PTPRK: variants seen among roughly 807,000 people sequenced by gnomAD.
PTPRK encodes the protein receptor-type tyrosine-protein phosphatase kappa.
A neutral mutation model predicts 178.0 loss-of-function variants in PTPRK; 75 were observed. That is an observed-to-expected ratio of 0.42 (90% CI 0.35 to 0.51). The LOEUF is 0.51. Among genes scored for constraint, PTPRK ranks in the 20% least tolerant of loss-of-function variants. The pLI is 0.02. For synonymous variants in PTPRK, 637 were observed against 620.6 expected, an observed-to-expected ratio of 1.03 and a Z score of -0.39; for missense variants, 1,441 against 1,797.8, an observed-to-expected ratio of 0.80 and a Z score of 3.59.
chr6:128,276,567 A>C (rs1820756566), intron 3 of PTPRK, among the ~76,000 whole-genome samples: 1 of 152,182 alleles, frequency 6.6e-6, no homozygotes, highest in Non-Finnish European at 1.5e-5. Context: ...TTAGAGAGCC[A>C]TAAACTGGCT....
chr6:127,976,675 C>A lies in PTPRK; in HGVS notation c.3951G>T (p.Arg1317Ser). The part of the protein sequence containing the change: ...MDCDVINRIF[R>S]ICNLTRPQEG... ...GACTTACTCTTGTTAGATTGCATAT[C>A]CTAAAAATCCGGTTGATCACATCAC... The change falls in exon 27 of 30, where the codon AGG (arginine) becomes AGT (serine). Residue 1317 changes from arginine (R) to serine (S), a missense_variant. Coordinates refer to ENST00000368226, the MANE Select transcript of PTPRK (RefSeq NM_002844.4). 2 of 1,613,998 alleles carry A rather than the reference C, an allele frequency of 1.2e-6. No homozygotes were observed. The highest frequency in any genetic ancestry group is 1.7e-6 in the Non-Finnish European group (2 of 1,179,984).
intron 3 of PTPRK, among the ~76,000 whole-genome samples, chr6:128,255,298 G>T (rs1388333936): frequency 1.3e-5 from 2 of 152,080 alleles, no homozygotes; most frequent in African/African-American, 2.4e-5. Flanking sequence ...CCTAAATCAG[G>T]TTTTAAGGAT....
chr6:128,416,426 G>A (rs1298487640), intron 1 of PTPRK, among the ~76,000 whole-genome samples: 1 of 151,626 alleles, frequency 6.6e-6, no homozygotes, highest in Non-Finnish European at 1.5e-5. Flanking sequence ...CGGATCACGA[G>A]GTCAGGAGAT....
intron 1 of PTPRK, among the ~76,000 whole-genome samples, chr6:128,458,065 T>C (rs1417157972): frequency 6.6e-6 from 1 of 152,162 alleles, no homozygotes; most frequent in Non-Finnish European, 1.5e-5. Flanking sequence ...TCCCAATTTG[T>C]ATTCTCAACT....
chr6:128,275,619 T>G lies in PTPRK; in HGVS notation c.496-33017A>C, dbSNP rs1017548565. ...CTGAACCAGGTGTTAAAGTTCTTAA[T>G]GTTCGTATTTGGGAATATACATTAG... On this transcript the variant is annotated intron_variant, in intron 3 of 29. Transcript: ENST00000368226. Among the ~76,000 whole-genome samples, 13 of 152,188 alleles carry G rather than the reference T, an allele frequency of 8.5e-5. No individual in the cohort carries two copies. In the East Asian group the frequency reaches 2.3e-3, roughly 27 times the overall value.
intron 2 of PTPRK, among the ~76,000 whole-genome samples, chr6:128,326,433 A>C: frequency 6.6e-6 from 1 of 152,212 alleles, no homozygotes; most frequent in East Asian, 1.9e-4. Context: ...ACACTATTTA[A>C]AACAGAGAAA....
intron 7 of PTPRK, among the ~76,000 whole-genome samples, chr6:128,155,940 C>G (rs926943169): frequency 2.6e-5 from 4 of 151,942 alleles, no homozygotes; most frequent in South Asian, 2.1e-4. Flanking sequence ...GCATTCCTAA[C>G]TTATGTGGTG....
rs1210256148 is a variant in PTPRK at position 128,219,103 on chromosome 6, A to G, written c.694-7T>C. The G allele has an allele frequency of 6.2e-7, 1 of 1,603,106 alleles. No homozygotes were observed. Among genetic ancestry groups the G allele is most frequent in the Admixed American group, 1.7e-5 (1 of 59,014 alleles). On this transcript the variant is annotated splice_polypyrimidine_tract_variant and splice_region_variant and intron_variant, in intron 5 of 29. Transcript: ENST00000368226. ...TATCTTCTCCATTTCGTCTCTGCAA[A>G]CAGAAACCAATCTTTAAAAACAGGT...
At chr6:128,351,022 G>T (rs1297689219) in intron 2 of PTPRK, among the ~76,000 whole-genome samples, 1 of 152,192 alleles carries the variant, frequency 6.6e-6, no homozygotes, top group Non-Finnish European at 1.5e-5. Context: ...AATCATAAAA[G>T]TGAGGCAAAG....
At position 127,995,510 on chromosome 6, in the gene PTPRK, G is replaced by T; in HGVS notation, c.2796C>A (p.Pro932=). 1.3e-6 allele frequency: 2 copies of T among 1,597,496 alleles called. No individual in the cohort carries two copies. The highest frequency in any genetic ancestry group is 1.1e-5 in the South Asian group (1 of 89,166). The change falls in exon 18 of 30, where the codon CCC becomes CCA. Residue 932 remains proline, a synonymous_variant. Coordinates refer to ENST00000368226, the MANE Select transcript of PTPRK (RefSeq NM_002844.4). ...AYDHSRVILQ[P]VEDDPSSDYI... ...AATCTGAGGAAGGATCATCCTCTAC[G>T]GGTTGCAAAATCACTCTGGAGTGAT... is the stretch of plus-strand genomic sequence containing the variant.
chr6:128,184,014 A>T (rs774242726), intron 7 of PTPRK, among the ~76,000 whole-genome samples: 1 of 152,188 alleles, frequency 6.6e-6, no homozygotes, highest in Non-Finnish European at 1.5e-5. Context: ...TATCCATATT[A>T]TAAGATGTGG....
chr6:128,089,747 T>C lies in PTPRK; in HGVS notation c.1408A>G (p.Thr470Ala). 6.2e-7 allele frequency: 1 copy of C among 1,613,308 alleles called. No individual in the cohort carries two copies. The highest frequency in any genetic ancestry group is 8.5e-7 in the Non-Finnish European group (1 of 1,179,256). Residue 470 changes from threonine to alanine, a missense_variant, in exon 8 of 30, where the codon ACC becomes GCC. Physicochemically the swap from Thr to Ala is moderately conservative, Grantham distance 58 (BLOSUM62 0). This residue lies in a region of PTPRK where 945 missense variants were observed against 1,080.6 expected (regional missense o/e 0.87). Coordinates refer to ENST00000368226, the MANE Select transcript of PTPRK (RefSeq NM_002844.4). Reference protein sequence around the residue: ...YTNVSLKMILTNPEGRKESEE... With the variant: ...YTNVSLKMILANPEGRKESEE... ...CTCTCCTTCCTTCCCTCTGGATTGG[T>C]TAGGATCATCTTGAGGCTGACATTT...
intron 3 of PTPRK, among the ~76,000 whole-genome samples, chr6:128,273,501 A>C (rs1820226422): frequency 6.6e-6 from 1 of 152,190 alleles, no homozygotes. Context: ...TGAGTTTACA[A>C]GCCTTTGAAG....
intron 17 of PTPRK, among the ~76,000 whole-genome samples, chr6:127,995,791 G>C (rs991035881): frequency 2.6e-5 from 4 of 152,072 alleles, no homozygotes; most frequent in African/African-American, 9.7e-5. Flanking sequence ...TGTCTGGTAA[G>C]TAATCATTTG....
chr6:128,300,544 G>A (rs999828332), intron 3 of PTPRK, among the ~76,000 whole-genome samples: 17 of 151,886 alleles, frequency 1.1e-4, no homozygotes, highest in Admixed American at 7.9e-4. Context: ...AAAATGATGA[G>A]TTCATGTCCT....
rs1028004124 is a variant in PTPRK, at chr6:128,020,226, G to A, written c.2195-10958C>T. On this transcript the variant is annotated intron_variant, in intron 13 of 29. Transcript: ENST00000368226. ...TTATTACATATGTGACATCCAAGTA[G>A]TAATGGCCTATTAAGAGTAAAACAA... Among the ~76,000 whole-genome samples, 3 of 152,106 alleles carry A rather than the reference G, an allele frequency of 2.0e-5. No homozygotes were observed. In the East Asian group the frequency reaches 5.8e-4, roughly 29 times the overall value.
intron 6 of PTPRK, among the ~76,000 whole-genome samples, chr6:128,208,529 A>G (rs907728046): frequency 1.3e-5 from 2 of 152,118 alleles, no homozygotes; most frequent in Admixed American, 1.3e-4. Context: ...GCAGTGGGGG[A>G]TATCTTTCCA....
intron 3 of PTPRK, among the ~76,000 whole-genome samples, chr6:128,299,619 G>A (rs1258318447): frequency 4.0e-5 from 6 of 151,242 alleles, no homozygotes; most frequent in East Asian, 1.9e-4. Flanking sequence ...CAAGCAATGC[G>A]GAAAGGATTC....
intron 2 of PTPRK, among the ~76,000 whole-genome samples, chr6:128,352,380 A>G (rs1366167168): frequency 4.2e-5 from 6 of 143,316 alleles, no homozygotes; most frequent in African/African-American, 2.6e-5. Context: ...TAGTTGCACT[A>G]TCCTATAATT....
Sources: gnomAD v4.1 joint callset for allele counts (sites outside exome capture counted in the v4.1 genomes callset) on GRCh38, gnomAD v4.1.1 for gene constraint, gnomAD v4.1.1 regional missense constraint, MANE v1.5 for transcripts, NCBI Gene and HGNC (gene_info 2026-07-23, HGNC 2026-07-21) for gene names.